The following CBLB variants were observed in gnomAD, a reference collection of about 807,000 sequenced individuals.
The protein encoded by CBLB is Cbl proto-oncogene B.
Under a neutral mutation model 104.9 loss-of-function variants are expected in CBLB, and 31 were observed. The ratio of observed to expected loss-of-function variants is 0.30; its 90% CI spans 0.22 to 0.40. The LOEUF is 0.40. CBLB is among the 10% of genes least tolerant of loss of function. The pLI, the probability that CBLB is intolerant of heterozygous loss-of-function variation, is 1.00. For missense variants in CBLB, 1,062 were observed against 1,214.6 expected (o/e 0.87, Z 1.87); for synonymous variants, 440 against 422.6 (o/e 1.04, Z -0.51).
intron 10 of CBLB, among the ~76,000 whole-genome samples, chr3:105,708,593 C>T (rs555809005): frequency 3.6e-4 from 54 of 151,934 alleles, no homozygotes; most frequent in Admixed American, 1.3e-3. Context: ...AACCTGATTT[C>T]AAACCACAGA....
At chr3:105,797,605 AAGAC>A (rs779863667) in intron 3 of CBLB, among the ~76,000 whole-genome samples, 2 of 152,230 alleles carry the variant, frequency 1.3e-5, no homozygotes, top group Non-Finnish European at 2.9e-5. Flanking sequence ...TAAAGGTTAA[AAGAC>A]AGAGAAAGAG....
At chr3:105,727,625 T>C (rs1222876246) in intron 9 of CBLB, among the ~76,000 whole-genome samples, 4 of 152,206 alleles carry the variant, frequency 2.6e-5, no homozygotes, top group Admixed American at 6.5e-5. Context: ...CCCATGCCTA[T>C]GTACTGAATG....
intron 3 of CBLB, among the ~76,000 whole-genome samples, chr3:105,839,964 T>C (rs577053476): frequency 6.6e-6 from 1 of 152,216 alleles, no homozygotes; most frequent in African/African-American, 2.4e-5. Context: ...CATGCAAACC[T>C]ATTTTAATCA....
At chr3:105,772,164 T>C (rs544025573) in intron 4 of CBLB, among the ~76,000 whole-genome samples, 2 of 152,280 alleles carry the variant, frequency 1.3e-5, no homozygotes, top group South Asian at 4.1e-4. Flanking sequence ...ATGGTACTGG[T>C]ATAATGACAG....
intron 12 of CBLB, among the ~76,000 whole-genome samples, chr3:105,700,286 AG>A (rs979385586): frequency 2.5e-4 from 38 of 152,162 alleles, no homozygotes; most frequent in Admixed American, 1.0e-3. Context: ...GTTATCTAAA[AG>A]AACCCCGAGA....
intron 3 of CBLB, among the ~76,000 whole-genome samples, chr3:105,815,685 T>TC (rs2084948790): frequency 6.6e-6 from 1 of 152,128 alleles, no homozygotes; most frequent in Non-Finnish European, 1.5e-5. Flanking sequence ...GACCCCATAA[T>TC]CCCATTACTG....
At chr3:105,701,479 C>T (rs2069100905) in intron 12 of CBLB, among the ~76,000 whole-genome samples, 1 of 152,120 alleles carries the variant, frequency 6.6e-6, no homozygotes, top group Admixed American at 6.6e-5. Context: ...AAATACCGTG[C>T]TGGCTGGGCA....
intron 2 of CBLB, among the ~76,000 whole-genome samples, chr3:105,865,426 C>T (rs937983635): frequency 2.0e-5 from 3 of 152,086 alleles, no homozygotes; most frequent in Admixed American, 6.5e-5. Flanking sequence ...TGCCAACACC[C>T]GCACCCACAT....
intron 9 of CBLB, among the ~76,000 whole-genome samples, chr3:105,722,509 A>G (rs183130586): frequency 6.6e-6 from 1 of 152,330 alleles, no homozygotes; most frequent in East Asian, 1.9e-4. Flanking sequence ...CACATCATAT[A>G]AATTCACTGG....
chr3:105,731,928 G>A (rs555437080), intron 9 of CBLB, among the ~76,000 whole-genome samples: 210 of 152,288 alleles, frequency 1.4e-3, no homozygotes, highest in Admixed American at 3.3e-3. Context: ...TCTAAGACTG[G>A]AGCCCCAAGA....
chr3:105,659,092 C>A lies in CBLB; in HGVS notation c.2827G>T (p.Gly943Cys), dbSNP rs752223718. The A allele has an allele frequency of 1.1e-5, 17 of 1,613,876 alleles. No individual in the cohort carries two copies. In the African/African-American group the frequency reaches 1.6e-4, roughly 15 times the overall value. Reference protein sequence around the residue: ...DAKIAKLMGEGYAFEEVKRAL... With the variant: ...DAKIAKLMGECYAFEEVKRAL... The stretch of plus-strand genomic sequence containing the variant: ...CTCTTCACCTCTTCAAAGGCATAAC[C>A]CTCTCCCATGAGTTTTGCAATTTTT... The change falls in exon 19 of 19, where the codon GGT becomes TGT. Residue 943 changes from glycine to cysteine, a missense_variant. Around this residue, in one of 2 missense-constraint regions of CBLB, gnomAD observed 605 missense variants for 582.6 expected, o/e 1.04. Transcript: ENST00000394030.
chr3:105,807,533 T>C (rs2083677275), intron 3 of CBLB, among the ~76,000 whole-genome samples: 1 of 152,186 alleles, frequency 6.6e-6, no homozygotes, highest in Non-Finnish European at 1.5e-5. Flanking sequence ...AAATCCTATG[T>C]TCAGAGAAAC....
chr3:105,655,926 G>A lies in CBLB; in HGVS notation c.*3044C>T. The A allele has an allele frequency of 4.4e-6, 1 of 226,780 alleles. No homozygotes were observed. The highest frequency in any genetic ancestry group is 6.3e-5 in the East Asian group (1 of 15,800). 14.0% of individuals were successfully genotyped at this position (226,780 alleles called of 1,614,324 possible). A position where few individuals can be genotyped will look rare whatever the true frequency, so the allele number is the denominator to read the frequency against. On this transcript the variant is annotated 3_prime_UTR_variant, in exon 19 of 19. Coordinates refer to ENST00000394030, the MANE Select transcript of CBLB (RefSeq NM_170662.5). ...GAAGAAATCTTTGCAAGTGTTCTTGGTATATGAAATGCTGAGTTAAGAAAT... is the reference window on the plus strand; with the variant it reads ...GAAGAAATCTTTGCAAGTGTTCTTGATATATGAAATGCTGAGTTAAGAAAT...
At chr3:105,777,013 T>C (rs1474083861) in intron 3 of CBLB, among the ~76,000 whole-genome samples, 1 of 152,002 alleles carries the variant, frequency 6.6e-6, no homozygotes, top group African/African-American at 2.4e-5. Flanking sequence ...CAGAGGGAAG[T>C]AAAAGGTATT....
chr3:105,719,462 T>G (rs1165147465), intron 10 of CBLB, among the ~76,000 whole-genome samples: 1 of 152,190 alleles, frequency 6.6e-6, no homozygotes, highest in Non-Finnish European at 1.5e-5. Context: ...ACCACATACA[T>G]CATGGTGATC....
intron 3 of CBLB, among the ~76,000 whole-genome samples, chr3:105,825,673 CT>C (rs2086468033): frequency 6.6e-6 from 1 of 152,102 alleles, no homozygotes; most frequent in Non-Finnish European, 1.5e-5. Context: ...TATCTCTTGC[CT>C]CAGCTTTTAG....
At chr3:105,784,894 C>G (rs1467835479) in intron 3 of CBLB, among the ~76,000 whole-genome samples, 1 of 152,190 alleles carries the variant, frequency 6.6e-6, no homozygotes, top group Non-Finnish European at 1.5e-5. Flanking sequence ...GGTCTGCTTT[C>G]CGTGAGTTAA....
rs2066327466 is a variant in CBLB at position 105,681,607 on chromosome 3, TCTC to T, written c.2297_2299del (p.Gly766del). 6.2e-7 allele frequency: 1 copy of T among 1,614,114 alleles called. No homozygotes were observed. Reference sequence around the variant, plus strand: ...GGGATCAGAGGCTGAATCAAAAACATCTCCTAGAGGATAACACAAAACCTTAAT... The same window carrying T: ...GGGATCAGAGGCTGAATCAAAAACATCTAGAGGATAACACAAAACCTTAAT... On this transcript the variant is annotated inframe_deletion and splice_region_variant, in exon 16 of 19. Transcript: ENST00000394030.
chr3:105,691,361 T>C (rs758656456), intron 13 of CBLB, among the ~76,000 whole-genome samples: 9 of 152,126 alleles, frequency 5.9e-5, no homozygotes, highest in Non-Finnish European at 1.0e-4. Flanking sequence ...CAAGAGTAAA[T>C]AGGGAGAAAG....
Sources: gnomAD v4.1 joint callset for allele counts (sites outside exome capture counted in the v4.1 genomes callset) on GRCh38, gnomAD v4.1.1 for gene constraint, gnomAD v4.1.1 regional missense constraint, MANE v1.5 for transcripts, NCBI Gene and HGNC (gene_info 2026-07-23, HGNC 2026-07-21) for gene names.